GFRA1: variants seen among roughly 807,000 people sequenced by gnomAD.
The protein encoded by GFRA1 is GDNF family receptor alpha 1.
GFRA1 carries 16 observed loss-of-function variants against 51.6 expected under a neutral mutation model. That is an observed-to-expected ratio of 0.31 (90% CI 0.21 to 0.47). The LOEUF is 0.47. GFRA1 is among the 20% of genes least tolerant of loss of function. The pLI is 1.00. For missense variants in GFRA1, 530 were observed against 594.3 expected (o/e 0.89, Z 1.13); for synonymous variants, 270 against 241.3 (o/e 1.12, Z -1.10).
chr10:116,236,846 G>A (rs561652215), intron 4 of GFRA1, among the ~76,000 whole-genome samples: 99 of 152,192 alleles, frequency 6.5e-4, no homozygotes, highest in African/African-American at 2.3e-3. Flanking sequence ...CCACTAAACA[G>A]GAAAAGGTTA....
At chr10:116,134,357 A>T (rs561526909) in intron 5 of GFRA1, among the ~76,000 whole-genome samples, 1 of 152,304 alleles carries the variant, frequency 6.6e-6, no homozygotes, top group African/African-American at 2.4e-5. Context: ...CCAGAAAATT[A>T]AAAAATGGGT....
intron 5 of GFRA1, among the ~76,000 whole-genome samples, chr10:116,148,484 G>T (rs1212204193): frequency 2.1e-5 from 3 of 140,412 alleles, no homozygotes; most frequent in African/African-American, 8.1e-5. Flanking sequence ...CTGTGAAGTG[G>T]GGATATGATA....
intron 6 of GFRA1, among the ~76,000 whole-genome samples, chr10:116,104,403 G>C (rs1012526674): frequency 6.6e-6 from 1 of 152,214 alleles, no homozygotes; most frequent in Non-Finnish European, 1.5e-5. Flanking sequence ...TGGCTGCGAG[G>C]GTTCTCCTTG....
Position 116,125,499 on chromosome 10 carries a change from G to A in GFRA1, c.492C>T (p.Asp164=), listed in dbSNP as rs79176106. The change falls in exon 6 of 11, where the codon GAC becomes GAT. Residue 164 remains aspartate, a synonymous_variant. Transcript: ENST00000355422. ...CCGACCTGTACTTCTTGCAAATGTC[G>A]TCGAGGTTGCAGGCCTTCGCTGCAT... The part of the protein sequence containing the change: ...CLDAAKACNL[D]DICKKYRSAY... 1.1e-5 allele frequency: 17 copies of A among 1,614,150 alleles called. No homozygotes were observed. The highest frequency in any genetic ancestry group is 4.5e-5 in the East Asian group (2 of 44,880).
At chr10:116,111,706 C>T (rs1589797687) in intron 6 of GFRA1, among the ~76,000 whole-genome samples, 1 of 152,190 alleles carries the variant, frequency 6.6e-6, no homozygotes, top group Non-Finnish European at 1.5e-5. Context: ...TCTAAGGCAG[C>T]AGGGAATGGT....
intron 4 of GFRA1, among the ~76,000 whole-genome samples, chr10:116,239,636 C>T (rs1337622810): frequency 6.6e-6 from 1 of 152,136 alleles, no homozygotes; most frequent in African/African-American, 2.4e-5. Context: ...TTTTGTCTGT[C>T]ATACATTTAG....
chr10:116,124,087 T>C (rs770123153), intron 6 of GFRA1, among the ~76,000 whole-genome samples: 9 of 152,058 alleles, frequency 5.9e-5, no homozygotes, highest in Non-Finnish European at 2.9e-5. Flanking sequence ...GTATTTTTAG[T>C]AGAGGCAGGG....
At chr10:116,213,848 C>T (rs1222007031) in intron 4 of GFRA1, among the ~76,000 whole-genome samples, 1 of 152,288 alleles carries the variant, frequency 6.6e-6, no homozygotes, top group Non-Finnish European at 1.5e-5. Context: ...GCAGGTAAAA[C>T]AGATTGCAGG....
chr10:116,162,261 A>G (rs1959897567), intron 5 of GFRA1, among the ~76,000 whole-genome samples: 1 of 152,210 alleles, frequency 6.6e-6, no homozygotes, highest in South Asian at 2.1e-4. Context: ...GTCAAGCTGG[A>G]GAAGAGTCAG....
chr10:116,064,091 GATCATC>G lies in GFRA1; in HGVS notation c.*301_*306del, dbSNP rs1239757880. On this transcript the variant is annotated 3_prime_UTR_variant, in exon 11 of 11. Coordinates refer to ENST00000355422, the MANE Select transcript of GFRA1 (RefSeq NM_005264.8). ...TCATGATCATGATGATCATCATCAT[GATCATC>G]ATCATCATCGAAAACACAGCCCCAG... 2 of 180,492 alleles carry G rather than the reference GATCATC, an allele frequency of 1.1e-5. No individual in the cohort carries two copies. The highest frequency in any genetic ancestry group is 6.0e-5 in the African/African-American group (1 of 16,746). 11.2% of individuals were successfully genotyped at this position (180,492 alleles called of 1,614,324 possible).
At chr10:116,165,989 C>T (rs191809157) in intron 5 of GFRA1, among the ~76,000 whole-genome samples, 3 of 152,230 alleles carry the variant, frequency 2.0e-5, no homozygotes, top group African/African-American at 7.2e-5. Context: ...TGTTGTTCCC[C>T]TCTGTGTGTT....
In GFRA1 at chr10:116,096,708, C is replaced by A. The variant is rs770881569; in HGVS notation, c.827G>T (p.Ser276Ile). 1 of 1,613,222 alleles carries A rather than the reference C, an allele frequency of 6.2e-7. No homozygotes were observed. Reference protein sequence around the residue: ...NCQPESRSVSSCLKENYADCL... With the variant: ...NCQPESRSVSICLKENYADCL... ...GTCAGCGTAGTTTTCCTTTAGACAGCTGCTGACAGACCTTGACTCTGGCTG... is the reference window on the plus strand; with the variant it reads ...GTCAGCGTAGTTTTCCTTTAGACAGATGCTGACAGACCTTGACTCTGGCTG... The change falls in exon 7 of 11, where the codon AGC (serine) becomes ATC (isoleucine). Residue 276 changes from serine (S) to isoleucine (I), a missense_variant. By Grantham distance (142) the Ser-to-Ile change is moderately radical. Transcript: ENST00000355422.
rs148339529 is a variant in GFRA1, at chr10:116,171,092, C to A, written c.433+40539G>T. ...CATCCTATTTTCATGTACATAGACACACAATGAATCACAGGCTTTACTAAT... is the reference window on the plus strand; with the variant it reads ...CATCCTATTTTCATGTACATAGACAAACAATGAATCACAGGCTTTACTAAT... On this transcript the variant is annotated intron_variant, in intron 5 of 10. Coordinates refer to ENST00000355422, the MANE Select transcript of GFRA1 (RefSeq NM_005264.8). 6.2e-3 allele frequency among the ~76,000 whole-genome samples: 939 copies of A among 152,316 alleles called. 5 individuals carry two copies. The highest frequency in any genetic ancestry group is 0.01 in the Non-Finnish European group (697 of 68,028).
At position 116,089,877 on chromosome 10, in the gene GFRA1, C is replaced by T; in HGVS notation, c.1061G>A (p.Trp354Ter). 6.2e-7 allele frequency: 1 copy of T among 1,614,048 alleles called. No individual in the cohort carries two copies. Among genetic ancestry groups the T allele is most frequent in the Non-Finnish European group, 8.5e-7 (1 of 1,180,000 alleles). ...AFGNGSDVTV[W>*]QPAFPVQTTT... Reference sequence around the variant, plus strand: ...GGTCTGTACTGGGAAGGCTGGCTGCCACACGGTCACATCGGAGCCATTGCC... The same window carrying T: ...GGTCTGTACTGGGAAGGCTGGCTGCTACACGGTCACATCGGAGCCATTGCC... The change falls in exon 9 of 11, where the codon TGG becomes TAG. Residue 354 changes from tryptophan to a stop codon, truncating the protein, a stop_gained. Coordinates refer to ENST00000355422, the MANE Select transcript of GFRA1 (RefSeq NM_005264.8). LOFTEE classifies it high-confidence loss of function.
At chr10:116,205,216 A>AAAATACTTAG (rs1293110222) in intron 5 of GFRA1, among the ~76,000 whole-genome samples, 2 of 152,186 alleles carry the variant, frequency 1.3e-5, no homozygotes, top group Non-Finnish European at 2.9e-5. Context: ...AAATGTGTGC[A>AAAATACTTAG]AAATACTTAG....
chr10:116,265,652 C>T (rs1485186892), intron 4 of GFRA1, among the ~76,000 whole-genome samples: 1 of 152,200 alleles, frequency 6.6e-6, no homozygotes, highest in Admixed American at 6.5e-5. Flanking sequence ...GAGATCTCGG[C>T]CGGGAGAGAT....
At chr10:116,161,429 C>T (rs1959778634) in intron 5 of GFRA1, among the ~76,000 whole-genome samples, 1 of 152,138 alleles carries the variant, frequency 6.6e-6, no homozygotes, top group Non-Finnish European at 1.5e-5. Context: ...ATAAAAAGAG[C>T]ATGGGAAGCT....
chr10:116,244,863 A>G (rs1791901648), intron 4 of GFRA1, among the ~76,000 whole-genome samples: 1 of 152,194 alleles, frequency 6.6e-6, no homozygotes, highest in South Asian at 2.1e-4. Flanking sequence ...AAATAAAATC[A>G]TACCTAATGC....
intron 4 of GFRA1, among the ~76,000 whole-genome samples, chr10:116,249,380 C>T (rs1041777218): frequency 3.9e-5 from 6 of 152,112 alleles, no homozygotes; most frequent in Admixed American, 2.0e-4. Flanking sequence ...CTGCAGATGT[C>T]GCCCCCAACA....
Sources: gnomAD v4.1 joint callset for allele counts (sites outside exome capture counted in the v4.1 genomes callset) on GRCh38, gnomAD v4.1.1 for gene constraint, MANE v1.5 for transcripts, NCBI Gene and HGNC (gene_info 2026-07-23, HGNC 2026-07-21) for gene names.